Variants in RASAL2 observed in about 807,000 individuals in gnomAD.
The protein encoded by RASAL2 is RAS protein activator like 2.
RASAL2 carries 58 observed loss-of-function variants against 128.9 expected under a neutral mutation model. That is an observed-to-expected ratio of 0.45 (90% CI 0.36 to 0.56). RASAL2 has a LOEUF of 0.56. Ranked by LOEUF, RASAL2 falls within the 20% of genes least tolerant of loss-of-function variation. The probability of loss-of-function intolerance (pLI) is 0.00; values close to 1 mark genes in which losing one functional copy is unlikely to be tolerated. For synonymous variants in RASAL2, 561 were observed against 580.8 expected, an observed-to-expected ratio of 0.97 and a Z score of 0.49; for missense variants, 1,360 against 1,601.6, an observed-to-expected ratio of 0.85 and a Z score of 2.57.
At position 178,402,874 on chromosome 1, in the gene RASAL2, A is replaced by C. The variant is rs377032574; in HGVS notation, c.564+12668A>C. 4.9e-4 allele frequency among the ~76,000 whole-genome samples: 75 copies of C among 152,316 alleles called. 1 individual carries two copies. In the South Asian group the frequency reaches 0.015, roughly 31 times the overall value. ...TCCGTCTCCCCTGACAATGAAAAAA[A>C]ATAGTATTTCACATTATATTATCTA... On this transcript the variant is annotated intron_variant, in intron 4 of 17. Transcript: ENST00000367649.
chr1:178,443,508 C>A (rs1435717059), intron 8 of RASAL2, among the ~76,000 whole-genome samples: 7 of 152,152 alleles, frequency 4.6e-5, no homozygotes, highest in Non-Finnish European at 1.0e-4. Flanking sequence ...GTAGGATTGG[C>A]ACGATAACCC....
chr1:178,298,392 G>A (rs923125447), intron 2 of RASAL2, among the ~76,000 whole-genome samples: 4 of 152,104 alleles, frequency 2.6e-5, no homozygotes, highest in African/African-American at 9.7e-5. Context: ...CATAGTTATG[G>A]TAATAAGGAA....
At chr1:178,340,894 T>C (rs1669835542) in intron 3 of RASAL2, among the ~76,000 whole-genome samples, 2 of 152,028 alleles carry the variant, frequency 1.3e-5, no homozygotes, top group African/African-American at 4.8e-5. Flanking sequence ...TAAATATTTT[T>C]TAAAAATAAC....
chr1:178,292,875 T>C (rs1171547093), intron 2 of RASAL2, among the ~76,000 whole-genome samples: 1 of 152,204 alleles, frequency 6.6e-6, no homozygotes, highest in Non-Finnish European at 1.5e-5. Flanking sequence ...CTACTTTCTA[T>C]ATTTAGAATG....
chr1:178,412,239 G>C (rs1357602910), intron 4 of RASAL2, among the ~76,000 whole-genome samples: 1 of 152,092 alleles, frequency 6.6e-6, no homozygotes, highest in Non-Finnish European at 1.5e-5. Flanking sequence ...AAGTGAAAGA[G>C]AGATTGAAAC....
At chr1:178,369,816 A>T (rs189849919) in intron 3 of RASAL2, among the ~76,000 whole-genome samples, 14 of 152,336 alleles carry the variant, frequency 9.2e-5, no homozygotes, top group Non-Finnish European at 1.5e-4. Context: ...AAAATTTTTT[A>T]AAAACTTAGT....
rs141279359 is a variant in RASAL2 at position 178,474,760 on chromosome 1, A to C, written c.*1521A>C. 4.6e-5 allele frequency: 7 copies of C among 152,080 alleles called. No individual in the cohort carries two copies. The highest frequency in any genetic ancestry group is 1.7e-4 in the African/African-American group (7 of 41,424). The allele number at this position is 152,080 out of a possible 1,614,324, so 9.4% of individuals were successfully genotyped here. The stretch of plus-strand genomic sequence containing the variant: ...CAAATAGGAAAAGTTCATGCCTTCT[A>C]TGCTGTTCAGATATAATGTTAAAAG... On this transcript the variant is annotated 3_prime_UTR_variant, in exon 18 of 18. Transcript: ENST00000367649.
At chr1:178,346,857 G>C (rs1670183205) in intron 3 of RASAL2, among the ~76,000 whole-genome samples, 1 of 152,118 alleles carries the variant, frequency 6.6e-6, no homozygotes, top group Admixed American at 6.5e-5. Flanking sequence ...ACATTTTTTA[G>C]CTTATGCAAG....
intron 1 of RASAL2, among the ~76,000 whole-genome samples, chr1:178,275,155 C>G (rs1316577197): frequency 6.6e-6 from 1 of 152,130 alleles, no homozygotes; most frequent in Non-Finnish European, 1.5e-5. Flanking sequence ...GTTGCTTAAG[C>G]AGACTTGGCT....
chr1:178,405,907 T>C (rs973534831), intron 4 of RASAL2, among the ~76,000 whole-genome samples: 1 of 152,210 alleles, frequency 6.6e-6, no homozygotes, highest in African/African-American at 2.4e-5. Context: ...ATAATAACAT[T>C]AGGGGAAGCT....
In RASAL2 at chr1:178,094,283, T is replaced by A; in HGVS notation, c.-210T>A. ...CGCTGGATCCTCCTCCCGGCCTGGG[T>A]CCCGCCCGCCGACTGCAGGTGGGCT... is the stretch of plus-strand genomic sequence containing the variant. On this transcript the variant is annotated 5_prime_UTR_variant, in exon 1 of 18. Transcript: ENST00000367649. 1 of 546,362 alleles carries A rather than the reference T, an allele frequency of 1.8e-6. No homozygotes were observed. Among genetic ancestry groups the A allele is most frequent in the Non-Finnish European group, 3.2e-6 (1 of 317,156 alleles). The allele number at this position is 546,362 out of a possible 1,614,324, so 33.8% of individuals were successfully genotyped here. A position where few individuals can be genotyped will look rare whatever the true frequency, so the allele number is the denominator to read the frequency against.
intron 1 of RASAL2, among the ~76,000 whole-genome samples, chr1:178,126,967 T>TA (rs1659925432): frequency 6.6e-6 from 1 of 152,184 alleles, no homozygotes; most frequent in African/African-American, 2.4e-5. Context: ...AACACCCACT[T>TA]ATAGCAGCTA....
At chr1:178,448,706 GGAGT>G (rs1286311662) in intron 9 of RASAL2, among the ~76,000 whole-genome samples, 2 of 151,260 alleles carry the variant, frequency 1.3e-5, no homozygotes, top group African/African-American at 4.9e-5. Flanking sequence ...TATGGAGATA[GGAGT>G]GAGTATTTAT....
chr1:178,193,028 A>G (rs1662542833), intron 1 of RASAL2, among the ~76,000 whole-genome samples: 2 of 152,162 alleles, frequency 1.3e-5, no homozygotes, highest in African/African-American at 4.8e-5. Flanking sequence ...TAAAAAAACA[A>G]AGGCTCTTAG....
chr1:178,361,994 C>T (rs1247654069), intron 3 of RASAL2, among the ~76,000 whole-genome samples: 1 of 152,016 alleles, frequency 6.6e-6, no homozygotes, highest in Non-Finnish European at 1.5e-5. Context: ...CTGATGCCAC[C>T]ACTGATCTAA....
At chr1:178,210,510 T>C (rs568551268) in intron 1 of RASAL2, among the ~76,000 whole-genome samples, 2 of 152,320 alleles carry the variant, frequency 1.3e-5, no homozygotes, top group East Asian at 3.9e-4. Flanking sequence ...ACTTAAAAGA[T>C]TTTTTGTGAC....
chr1:178,397,438 C>T (rs1253908029), intron 4 of RASAL2, among the ~76,000 whole-genome samples: 1 of 151,910 alleles, frequency 6.6e-6, no homozygotes, highest in African/African-American at 2.4e-5. Context: ...CTATACAGAC[C>T]AAAAAAGAGA....
chr1:178,353,749 T>C (rs951782636), intron 3 of RASAL2, among the ~76,000 whole-genome samples: 1 of 152,238 alleles, frequency 6.6e-6, no homozygotes, highest in Non-Finnish European at 1.5e-5. Context: ...CTTGGCCATG[T>C]AATGTAACCT....
At chr1:178,131,296 T>G (rs1660105359) in intron 1 of RASAL2, among the ~76,000 whole-genome samples, 1 of 141,326 alleles carries the variant, frequency 7.1e-6, no homozygotes, top group African/African-American at 2.9e-5. Context: ...AGTCTTGAAC[T>G]CCCAGGCTCA....
Sources: allele counts gnomAD v4.1 joint callset (sites outside exome capture counted in the v4.1 genomes callset), GRCh38; gene constraint gnomAD v4.1.1; transcripts MANE v1.5; gene names NCBI Gene and HGNC (gene_info 2026-07-23, HGNC 2026-07-21).